The following SNTG1 variants were observed in gnomAD, a reference collection of about 807,000 sequenced individuals.
SNTG1 encodes gamma-1-syntrophin.
In SNTG1, 39 loss-of-function variants were observed where a neutral mutation model predicts 74.7. The ratio of observed to expected loss-of-function variants is 0.52; its 90% CI spans 0.40 to 0.68. The LOEUF (loss-of-function observed/expected upper bound fraction) is 0.68, where lower values mean the gene tolerates loss of function less well. SNTG1 is among the 30% of genes least tolerant of loss of function. SNTG1 has a pLI of 0.00. For missense variants in SNTG1, 685 were observed against 609.5 expected (o/e 1.12, Z -1.30); for synonymous variants, 254 against 217.1 (o/e 1.17, Z -1.49).
At chr8:50,738,312 G>C (rs2095534102) in intron 17 of SNTG1, among the ~76,000 whole-genome samples, 1 of 152,028 alleles carries the variant, frequency 6.6e-6, no homozygotes, top group South Asian at 2.1e-4. Context: ...ATTCACAATT[G>C]CTACAAACAG....
intron 2 of SNTG1, among the ~76,000 whole-genome samples, chr8:50,312,167 A>T (rs1031064526): frequency 4.6e-5 from 7 of 152,176 alleles, no homozygotes; most frequent in African/African-American, 1.4e-4. Context: ...TTGAAAATAT[A>T]AAAATTTAAT....
chr8:50,122,706 A>G (rs1321138732), intron 1 of SNTG1, among the ~76,000 whole-genome samples: 1 of 141,598 alleles, frequency 7.1e-6, no homozygotes, highest in Non-Finnish European at 1.6e-5. Context: ...TAATGGGGAC[A>G]AGAGGATGCA....
chr8:50,409,467 A>G (rs1458040801), intron 4 of SNTG1, among the ~76,000 whole-genome samples: 1 of 152,250 alleles, frequency 6.6e-6, no homozygotes, highest in Non-Finnish European at 1.5e-5. Flanking sequence ...TAAAAATAGT[A>G]TCAAAACGTA....
chr8:50,035,327 C>G (rs1818064466), intron 1 of SNTG1, among the ~76,000 whole-genome samples: 1 of 152,148 alleles, frequency 6.6e-6, no homozygotes, highest in Admixed American at 6.5e-5. Flanking sequence ...TCTGTGGGGG[C>G]TCCCTCTGTT....
intron 17 of SNTG1, among the ~76,000 whole-genome samples, chr8:50,724,466 T>G (rs938890313): frequency 6.6e-6 from 1 of 152,204 alleles, no homozygotes; most frequent in Non-Finnish European, 1.5e-5. Context: ...ATTGGTTTCC[T>G]GGTATTGGTT....
intron 2 of SNTG1, among the ~76,000 whole-genome samples, chr8:50,309,891 C>T (rs2090041036): frequency 6.6e-6 from 1 of 152,100 alleles, no homozygotes; most frequent in African/African-American, 2.4e-5. Flanking sequence ...TGGTCAGTGT[C>T]CAAAAAATAT....
At chr8:50,402,409 C>T in intron 4 of SNTG1, 65 bp downstream of exon 4, 1 of 1,502,290 alleles carries the variant, frequency 6.7e-7, no homozygotes, top group African/African-American at 1.4e-5. Flanking sequence ...AATGTTTATT[C>T]ACAGGGCATT....
At chr8:50,724,277 A>T (rs1345219120) in intron 17 of SNTG1, among the ~76,000 whole-genome samples, 1 of 152,198 alleles carries the variant, frequency 6.6e-6, no homozygotes, top group East Asian at 1.9e-4. Context: ...AAATGATTTT[A>T]AGTAAGGAAT....
intron 8 of SNTG1, among the ~76,000 whole-genome samples, chr8:50,460,491 A>G (rs2093550754): frequency 6.6e-6 from 1 of 152,122 alleles, no homozygotes; most frequent in African/African-American, 2.4e-5. Flanking sequence ...TAGTTTAATT[A>G]GGTCTCACTT....
intron 13 of SNTG1, chr8:50,643,844 C>G (rs2095089536): frequency 6.6e-6 from 1 of 152,350 alleles, no homozygotes; most frequent in Admixed American, 6.6e-5. Context: ...AGGCTGAGCC[C>G]TGGTTTCCGA....
At chr8:50,043,359 T>A (rs769674699) in intron 1 of SNTG1, among the ~76,000 whole-genome samples, 21 of 152,154 alleles carry the variant, frequency 1.4e-4, no homozygotes, top group Non-Finnish European at 2.6e-4. Flanking sequence ...TAAATTAGGA[T>A]TTTTTGACTA....
intron 2 of SNTG1, among the ~76,000 whole-genome samples, chr8:50,340,756 T>C (rs1363155061): frequency 6.6e-5 from 10 of 151,918 alleles, no homozygotes; most frequent in Admixed American, 2.6e-4. Flanking sequence ...AAAAACTTAA[T>C]TTTCCCTCAC....
At chr8:50,423,693 G>C (rs1191803463) in intron 4 of SNTG1, among the ~76,000 whole-genome samples, 1 of 152,118 alleles carries the variant, frequency 6.6e-6, no homozygotes, top group Non-Finnish European at 1.5e-5. Context: ...TTAAAGCTCA[G>C]TACATGAAAT....
intron 1 of SNTG1, among the ~76,000 whole-genome samples, chr8:49,983,882 C>T (rs907622796): frequency 3.9e-5 from 6 of 152,114 alleles, no homozygotes; most frequent in Non-Finnish European, 7.3e-5. Flanking sequence ...AAATTCATTC[C>T]CAGTGAGATG....
At chr8:50,235,884 A>G (rs1252113766) in intron 2 of SNTG1, among the ~76,000 whole-genome samples, 1 of 152,224 alleles carries the variant, frequency 6.6e-6, no homozygotes, top group Non-Finnish European at 1.5e-5. Flanking sequence ...AAAAAAAAGA[A>G]AAAAGAAAAA....
chr8:50,241,840 C>T (rs183015176), intron 2 of SNTG1, among the ~76,000 whole-genome samples: 196 of 152,122 alleles, frequency 1.3e-3, no homozygotes, highest in Non-Finnish European at 2.1e-3. Context: ...CCTCAGAGTA[C>T]GCAGGTAGAA....
chr8:50,360,193 G>A (rs1043690633), intron 2 of SNTG1, among the ~76,000 whole-genome samples: 21 of 151,590 alleles, frequency 1.4e-4, no homozygotes, highest in Admixed American at 1.2e-3. Context: ...GTGCTTCCTA[G>A]GATCAAACTA....
chr8:50,147,066 G>C (rs2081898353), intron 1 of SNTG1, among the ~76,000 whole-genome samples: 1 of 151,822 alleles, frequency 6.6e-6, no homozygotes. Flanking sequence ...TGTTGATGTT[G>C]TATTTAAAAC....
At chr8:50,238,695 T>A (rs2086029412) in intron 2 of SNTG1, among the ~76,000 whole-genome samples, 1 of 151,898 alleles carries the variant, frequency 6.6e-6, no homozygotes, top group African/African-American at 2.4e-5. Flanking sequence ...GTCAACAGAG[T>A]AAACAGACAA....
Sources: allele counts gnomAD v4.1 joint callset (sites outside exome capture counted in the v4.1 genomes callset), GRCh38; gene constraint gnomAD v4.1.1; transcripts MANE v1.5; gene names NCBI Gene and HGNC (gene_info 2026-07-23, HGNC 2026-07-21).